Variants in BBS9 observed in about 807,000 individuals in gnomAD.
BBS9 encodes protein PTHB1.
A neutral mutation model predicts 117.7 loss-of-function variants in BBS9; 89 were observed. That is an observed-to-expected ratio of 0.76 (90% CI 0.64 to 0.90). The LOEUF is 0.90. Among genes scored for constraint, BBS9 ranks in the 40% least tolerant of loss-of-function variants. The probability of loss-of-function intolerance (pLI) is 0.00; values close to 1 mark genes in which losing one functional copy is unlikely to be tolerated. For missense variants in BBS9, 982 were observed against 1,042.2 expected, an observed-to-expected ratio of 0.94 and a Z score of 0.80; for synonymous variants, 379 against 370.9, an observed-to-expected ratio of 1.02 and a Z score of -0.25.
chr7:33,629,670 T>C (rs181614484), intron 21 of BBS9, among the ~76,000 whole-genome samples: 1 of 152,322 alleles, frequency 6.6e-6, no homozygotes, highest in South Asian at 2.1e-4. Context: ...CTTTTAGGTA[T>C]TTTAAAACGT....
chr7:33,627,670 A>G (rs1320613559), intron 21 of BBS9, among the ~76,000 whole-genome samples: 2 of 152,236 alleles, frequency 1.3e-5, no homozygotes, highest in African/African-American at 4.8e-5. Context: ...TGTGGCCTGG[A>G]TATGAGACAC....
chr7:33,614,549 G>A (rs945532206), intron 21 of BBS9, among the ~76,000 whole-genome samples: 1 of 151,978 alleles, frequency 6.6e-6, no homozygotes, highest in African/African-American at 2.4e-5. Flanking sequence ...ACTGCCCTGT[G>A]GTTTGGAGAA....
chr7:33,192,384 A>T (rs1416086692), intron 5 of BBS9, among the ~76,000 whole-genome samples: 2 of 152,228 alleles, frequency 1.3e-5, no homozygotes, highest in African/African-American at 4.8e-5. Context: ...ATATTTAGTG[A>T]TGATACATTT....
intron 17 of BBS9, among the ~76,000 whole-genome samples, chr7:33,382,262 C>T (rs911686952): frequency 8.6e-5 from 13 of 152,024 alleles, no homozygotes; most frequent in Non-Finnish European, 1.9e-4. Flanking sequence ...GAGTTTGAGA[C>T]CAGCCTGACC....
At chr7:33,552,750 A>G (rs958478591) in intron 21 of BBS9, among the ~76,000 whole-genome samples, 1 of 152,190 alleles carries the variant, frequency 6.6e-6, no homozygotes. Flanking sequence ...TGCACTATGA[A>G]AATCAAAGCA....
chr7:33,464,939 T>C (rs551514360), intron 19 of BBS9, among the ~76,000 whole-genome samples: 190 of 152,170 alleles, frequency 1.2e-3, no homozygotes, highest in African/African-American at 4.4e-3. Context: ...GATTCTCTCA[T>C]CTCAGCTTCC....
intron 19 of BBS9, among the ~76,000 whole-genome samples, chr7:33,468,087 A>G (rs187325755): frequency 6.6e-6 from 1 of 152,262 alleles, no homozygotes; most frequent in East Asian, 1.9e-4. Flanking sequence ...ACTGGAAGAT[A>G]TATATGTTCT....
intron 17 of BBS9, chr7:33,380,918 A>T (rs1824890853): frequency 6.6e-6 from 1 of 152,164 alleles, no homozygotes; most frequent in Non-Finnish European, 1.5e-5. Flanking sequence ...TGGGCTGCCT[A>T]GGATGGACAG....
At chr7:33,455,248 C>G (rs900407839) in intron 19 of BBS9, among the ~76,000 whole-genome samples, 4 of 129,082 alleles carry the variant, frequency 3.1e-5, no homozygotes, top group Non-Finnish European at 6.7e-5. Flanking sequence ...GGTGGTACCT[C>G]AGAGCTGTTG....
chr7:33,153,591 T>C (rs1444771755), intron 3 of BBS9, among the ~76,000 whole-genome samples: 1 of 152,232 alleles, frequency 6.6e-6, no homozygotes, highest in Non-Finnish European at 1.5e-5. Flanking sequence ...CCCTAAGCTC[T>C]GGATTTTGGC....
chr7:33,195,762 T>C (rs1486456309), intron 5 of BBS9, among the ~76,000 whole-genome samples: 2 of 152,190 alleles, frequency 1.3e-5, no homozygotes, highest in East Asian at 3.8e-4. Context: ...AAATTCATTT[T>C]CCTTTAATTC....
At chr7:33,594,419 A>G (rs1862405741) in intron 21 of BBS9, among the ~76,000 whole-genome samples, 2 of 79,084 alleles carry the variant, frequency 2.5e-5, no homozygotes, top group African/African-American at 5.2e-5. Context: ...GTCTCTGTCA[A>G]TGTGGTCAGC....
intron 19 of BBS9, among the ~76,000 whole-genome samples, chr7:33,491,246 T>C (rs1029187252): frequency 2.0e-5 from 3 of 152,184 alleles, no homozygotes; most frequent in African/African-American, 7.2e-5. Context: ...TTCTAAGACA[T>C]TAATTTTAGA....
At chr7:33,595,945 C>G (rs1324790411) in intron 21 of BBS9, among the ~76,000 whole-genome samples, 2 of 152,020 alleles carry the variant, frequency 1.3e-5, no homozygotes, top group Non-Finnish European at 2.9e-5. Context: ...ACCACATGTT[C>G]TCACTTATAA....
At chr7:33,351,163 G>A (rs1039983901) in intron 13 of BBS9, 56 bp from the exon 14 acceptor site, 2 of 1,173,898 alleles carry the variant, frequency 1.7e-6, no homozygotes, top group Non-Finnish European at 1.3e-6. Flanking sequence ...TTTAACTGTT[G>A]TTAATAACAG....
chr7:33,189,914 G>T (rs2128189067), intron 5 of BBS9, among the ~76,000 whole-genome samples: 1 of 150,758 alleles, frequency 6.6e-6, no homozygotes, highest in East Asian at 2.0e-4. Context: ...TAGATACAAG[G>T]TCTGGCTATG....
chr7:33,242,076 A>G (rs1172941776), intron 5 of BBS9, among the ~76,000 whole-genome samples: 2 of 152,126 alleles, frequency 1.3e-5, no homozygotes, highest in African/African-American at 4.8e-5. Flanking sequence ...GTTTGGTGGT[A>G]CTTCCAACCC....
intron 5 of BBS9, among the ~76,000 whole-genome samples, chr7:33,223,770 T>C (rs1790726587): frequency 6.6e-6 from 1 of 152,218 alleles, no homozygotes; most frequent in African/African-American, 2.4e-5. Flanking sequence ...AACTTGTGTT[T>C]GTTGAATGAA....
At chr7:33,190,200 A>G (rs1174092757) in intron 5 of BBS9, among the ~76,000 whole-genome samples, 1 of 150,058 alleles carries the variant, frequency 6.7e-6, no homozygotes, top group East Asian at 2.0e-4. Flanking sequence ...GCTCACTGCA[A>G]GCTCCGCCTC....
Sources: allele counts gnomAD v4.1 joint callset (sites outside exome capture counted in the v4.1 genomes callset), GRCh38; gene constraint gnomAD v4.1.1; transcripts MANE v1.5; gene names NCBI Gene and HGNC (gene_info 2026-07-23, HGNC 2026-07-21).